Variants in SLC25A21 observed in about 807,000 individuals in gnomAD.
SLC25A21 encodes solute carrier family 25 member 21.
A neutral mutation model predicts 43.8 loss-of-function variants in SLC25A21; 47 were observed. The observed-to-expected ratio is 1.07, with a 90% CI of 0.85 to 1.37. The LOEUF is 1.37. SLC25A21 is among the 40% of genes most tolerant of loss of function. The probability of loss-of-function intolerance (pLI) is 0.00; values close to 1 mark genes in which losing one functional copy is unlikely to be tolerated. For missense variants in SLC25A21, 352 were observed against 350.2 expected, an observed-to-expected ratio of 1.00 and a Z score of -0.04; for synonymous variants, 131 against 121.3, an observed-to-expected ratio of 1.08 and a Z score of -0.52.
chr14:37,031,402 A>G (rs1459023661), intron 1 of SLC25A21, among the ~76,000 whole-genome samples: 1 of 152,220 alleles, frequency 6.6e-6, no homozygotes, highest in Non-Finnish European at 1.5e-5. Flanking sequence ...CTTAAATATT[A>G]TTTTCATGTT....
intron 1 of SLC25A21, among the ~76,000 whole-genome samples, chr14:37,149,022 T>C (rs997436293): frequency 4.6e-5 from 7 of 152,184 alleles, no homozygotes; most frequent in African/African-American, 1.7e-4. Flanking sequence ...CTCCCCACTT[T>C]GGCCTCCCTA....
At chr14:36,751,156 C>A (rs1885694977) in intron 3 of SLC25A21, among the ~76,000 whole-genome samples, 1 of 152,218 alleles carries the variant, frequency 6.6e-6, no homozygotes, top group Non-Finnish European at 1.5e-5. Context: ...CATTACACCT[C>A]TGTCTATCAA....
chr14:36,795,420 T>C (rs1200993467), intron 3 of SLC25A21, among the ~76,000 whole-genome samples: 9 of 152,218 alleles, frequency 5.9e-5, no homozygotes, highest in Non-Finnish European at 1.5e-5. Context: ...GAATGTAGCA[T>C]ACCTAGCAGT....
chr14:36,788,839 C>T (rs143445898), intron 3 of SLC25A21: 9 of 152,044 alleles, frequency 5.9e-5, no homozygotes, highest in East Asian at 1.9e-4. Context: ...AGTAAGTCAC[C>T]GTTTTCTCTC....
At chr14:36,733,682 G>A (rs1366756824) in intron 4 of SLC25A21, among the ~76,000 whole-genome samples, 1 of 152,152 alleles carries the variant, frequency 6.6e-6, no homozygotes, top group Non-Finnish European at 1.5e-5. Flanking sequence ...AAAACCTTAT[G>A]TTGCTTGGAA....
At chr14:36,695,041 G>T (rs1163866699) in intron 7 of SLC25A21, among the ~76,000 whole-genome samples, 1 of 152,178 alleles carries the variant, frequency 6.6e-6, no homozygotes. Flanking sequence ...TATGGTTTTA[G>T]TTCTAACATG....
chr14:36,990,757 TGTAGTCACAGATACTTG>T (rs1036780873), intron 1 of SLC25A21, among the ~76,000 whole-genome samples: 17 of 152,220 alleles, frequency 1.1e-4, no homozygotes, highest in African/African-American at 3.9e-4. Flanking sequence ...GGTGTGCACC[TGTAGTCACAGATACTTG>T]GTAGGCTGAG....
chr14:36,720,882 G>A (rs1412065796), intron 6 of SLC25A21, among the ~76,000 whole-genome samples: 1 of 152,174 alleles, frequency 6.6e-6, no homozygotes, highest in Non-Finnish European at 1.5e-5. Flanking sequence ...ACTGTAAGCA[G>A]GCTGCCAGTC....
At chr14:37,171,034 C>T (rs12587565) in intron 1 of SLC25A21, among the ~76,000 whole-genome samples, 139,735 of 149,226 alleles carry the variant, frequency 0.94, 66,149 homozygotes, top group East Asian at 1. Flanking sequence ...AGCAGCGAGC[C>T]GAGATCGCGC....
At chr14:36,734,154 C>T (rs1377921398) in intron 4 of SLC25A21, among the ~76,000 whole-genome samples, 2 of 152,078 alleles carry the variant, frequency 1.3e-5, no homozygotes, top group Non-Finnish European at 1.5e-5. Context: ...TTCCTCTTCC[C>T]TCCATCTCTC....
At chr14:36,724,822 T>C (rs1193653829) in intron 6 of SLC25A21, among the ~76,000 whole-genome samples, 1 of 151,984 alleles carries the variant, frequency 6.6e-6, no homozygotes, top group African/African-American at 2.4e-5. Flanking sequence ...GTGGGTGTAG[T>C]GGGGAAAGGA....
intron 1 of SLC25A21, among the ~76,000 whole-genome samples, chr14:37,103,574 C>T (rs1264750820): frequency 6.6e-6 from 1 of 152,178 alleles, no homozygotes; most frequent in Non-Finnish European, 1.5e-5. Flanking sequence ...ACTTGCCTAA[C>T]ATTCCAGAGC....
At chr14:36,961,268 G>A (rs1441492558) in intron 1 of SLC25A21, among the ~76,000 whole-genome samples, 1 of 149,948 alleles carries the variant, frequency 6.7e-6, no homozygotes, top group Non-Finnish European at 1.5e-5. Context: ...CTGGAGTGCA[G>A]TGGCACAACC....
At chr14:37,164,041 T>C (rs1460603828) in intron 1 of SLC25A21, among the ~76,000 whole-genome samples, 1 of 152,206 alleles carries the variant, frequency 6.6e-6, no homozygotes, top group African/African-American at 2.4e-5. Context: ...GAGGAAGGGC[T>C]GGTTTAACCA....
intron 3 of SLC25A21, among the ~76,000 whole-genome samples, chr14:36,784,496 C>T (rs1887181148): frequency 6.6e-6 from 1 of 152,130 alleles, no homozygotes; most frequent in African/African-American, 2.4e-5. Flanking sequence ...CTCACCCGCC[C>T]CAGTGAGATT....
chr14:37,163,294 T>TAATA (rs34749912), intron 1 of SLC25A21, among the ~76,000 whole-genome samples: 83,550 of 147,656 alleles, frequency 0.57, 25,760 homozygotes, highest in Non-Finnish European at 0.67. Flanking sequence ...AGTATAATAA[T>TAATA]AATAAATAAA....
intron 1 of SLC25A21, among the ~76,000 whole-genome samples, chr14:37,015,913 T>G (rs1297298055): frequency 1.3e-5 from 2 of 152,048 alleles, no homozygotes; most frequent in Non-Finnish European, 2.9e-5. Flanking sequence ...TGTAAATTTG[T>G]TTGAGTTCAT....
chr14:36,929,815 T>A (rs142413036), intron 1 of SLC25A21, among the ~76,000 whole-genome samples: 21 of 152,310 alleles, frequency 1.4e-4, no homozygotes, highest in Non-Finnish European at 2.5e-4. Flanking sequence ...CGTTTGACAG[T>A]CAGTCTATCC....
At chr14:36,848,697 C>T (rs928011584) in intron 2 of SLC25A21, among the ~76,000 whole-genome samples, 7 of 152,088 alleles carry the variant, frequency 4.6e-5, no homozygotes, top group Non-Finnish European at 8.8e-5. Flanking sequence ...AGTCTTGTGC[C>T]TAGGAAGATC....
Sources: gnomAD v4.1 joint callset for allele counts (sites outside exome capture counted in the v4.1 genomes callset) on GRCh38, gnomAD v4.1.1 for gene constraint, MANE v1.5 for transcripts, NCBI Gene and HGNC (gene_info 2026-07-23, HGNC 2026-07-21) for gene names.